Variants in CNTN4 observed in about 807,000 individuals in gnomAD.
CNTN4 encodes contactin 4, also known as contactin-4.
CNTN4 carries 77 observed loss-of-function variants against 122.5 expected under a neutral mutation model. The observed-to-expected ratio is 0.63, with a 90% CI of 0.52 to 0.76. The LOEUF (loss-of-function observed/expected upper bound fraction) is 0.76, where lower values mean the gene tolerates loss of function less well. CNTN4 is among the 30% of genes least tolerant of loss of function. CNTN4 has a pLI of 0.00. For missense variants in CNTN4, 1,256 were observed against 1,259.1 expected, an observed-to-expected ratio of 1.00 and a Z score of 0.04; for synonymous variants, 512 against 447.0, an observed-to-expected ratio of 1.15 and a Z score of -1.83.
chr3:2,643,131 C>T (rs1480221491), intron 4 of CNTN4, among the ~76,000 whole-genome samples: 2 of 152,148 alleles, frequency 1.3e-5, no homozygotes, highest in Non-Finnish European at 2.9e-5. Flanking sequence ...TTAATCTCTT[C>T]TCAAGTGATC....
At chr3:2,786,345 T>A (rs2091829338) in intron 6 of CNTN4, among the ~76,000 whole-genome samples, 1 of 152,160 alleles carries the variant, frequency 6.6e-6, no homozygotes, top group Non-Finnish European at 1.5e-5. Flanking sequence ...CTTCCGGGGC[T>A]CCGGGGCCAC....
chr3:2,117,464 G>A (rs1042507174), intron 2 of CNTN4, among the ~76,000 whole-genome samples: 1 of 152,278 alleles, frequency 6.6e-6, no homozygotes, highest in Middle Eastern at 3.4e-3. Flanking sequence ...AGGTAGGCAT[G>A]ATTGATCAAA....
chr3:2,963,399 C>G (rs968034685), intron 13 of CNTN4, among the ~76,000 whole-genome samples: 1 of 152,104 alleles, frequency 6.6e-6, no homozygotes, highest in African/African-American at 2.4e-5. Context: ...TCAAGATGGT[C>G]TAGAAAGAAA....
At chr3:2,723,831 G>C (rs927769892) in intron 4 of CNTN4, among the ~76,000 whole-genome samples, 1 of 152,182 alleles carries the variant, frequency 6.6e-6, no homozygotes, top group Non-Finnish European at 1.5e-5. Flanking sequence ...CATAATGCCA[G>C]TAAGTACTTG....
chr3:2,741,404 C>G (rs1297880777), intron 5 of CNTN4, among the ~76,000 whole-genome samples: 1 of 152,158 alleles, frequency 6.6e-6, no homozygotes, highest in Non-Finnish European at 1.5e-5. Context: ...AAAAGAAGTG[C>G]ATTCCAGAAA....
At chr3:2,119,691 A>G (rs1157120434) in intron 2 of CNTN4, among the ~76,000 whole-genome samples, 1 of 152,178 alleles carries the variant, frequency 6.6e-6, no homozygotes, top group African/African-American at 2.4e-5. Context: ...TGGGAAAATA[A>G]TCTCTTTCTA....
At chr3:2,370,490 G>C (rs1477680807) in intron 3 of CNTN4, among the ~76,000 whole-genome samples, 1 of 152,074 alleles carries the variant, frequency 6.6e-6, no homozygotes, top group African/African-American at 2.4e-5. Flanking sequence ...AGGAGGGAGA[G>C]GTGACAGAGT....
intron 3 of CNTN4, among the ~76,000 whole-genome samples, chr3:2,547,023 A>T (rs1331966662): frequency 1.3e-5 from 2 of 152,060 alleles, no homozygotes; most frequent in African/African-American, 4.8e-5. Context: ...TCTAAGACAA[A>T]TTTAAGACAT....
At chr3:2,209,863 C>T (rs1375320278) in intron 2 of CNTN4, among the ~76,000 whole-genome samples, 1 of 151,866 alleles carries the variant, frequency 6.6e-6, no homozygotes. Context: ...CAAACTGGGT[C>T]CGTATTGACT....
intron 4 of CNTN4, among the ~76,000 whole-genome samples, chr3:2,691,415 G>A (rs1409586874): frequency 6.6e-6 from 1 of 152,078 alleles, no homozygotes; most frequent in East Asian, 1.9e-4. Context: ...GAGGAGGGTA[G>A]AGGGAAAGAA....
At chr3:2,105,134 G>T (rs975330861) in intron 2 of CNTN4, among the ~76,000 whole-genome samples, 1 of 152,266 alleles carries the variant, frequency 6.6e-6, no homozygotes, top group South Asian at 2.1e-4. Context: ...GTATGCCTTT[G>T]AACTAATTCC....
At chr3:2,256,220 A>T (rs530254434) in intron 2 of CNTN4, among the ~76,000 whole-genome samples, 1 of 152,250 alleles carries the variant, frequency 6.6e-6, no homozygotes, top group Admixed American at 6.5e-5. Flanking sequence ...GGACACATAC[A>T]CCCTCCCAAG....
chr3:2,448,181 G>A (rs922102804), intron 3 of CNTN4, among the ~76,000 whole-genome samples: 1 of 152,184 alleles, frequency 6.6e-6, no homozygotes, highest in African/African-American at 2.4e-5. Flanking sequence ...AGCAGGCAGC[G>A]AAGCCTGGTG....
chr3:2,120,376 TATATATATATATATATATATATATATATA>T (rs1380802544), intron 2 of CNTN4, among the ~76,000 whole-genome samples: 2 of 39,524 alleles, frequency 5.1e-5, no homozygotes, highest in Non-Finnish European at 1.1e-4. Context: ...TATATATAAA[TATATATATATATATATATATATATATATA>T]TTTTTTTTTT....
chr3:2,340,559 T>C (rs2044143277), intron 3 of CNTN4, among the ~76,000 whole-genome samples: 1 of 151,180 alleles, frequency 6.6e-6, no homozygotes, highest in African/African-American at 2.4e-5. Flanking sequence ...TGCATGCCTG[T>C]AGTCCCACTA....
At chr3:2,780,204 T>A (rs1576762719) in intron 6 of CNTN4, among the ~76,000 whole-genome samples, 1 of 152,238 alleles carries the variant, frequency 6.6e-6, no homozygotes, top group African/African-American at 2.4e-5. Flanking sequence ...AACAGAATGA[T>A]ATAAAGTATT....
intron 13 of CNTN4, among the ~76,000 whole-genome samples, chr3:2,973,989 A>G (rs74324841): frequency 2.0e-5 from 3 of 152,150 alleles, no homozygotes; most frequent in Non-Finnish European, 4.4e-5. Flanking sequence ...GATGGTACAC[A>G]GTATACAGAC....
chr3:2,110,340 C>T (rs886541177), intron 2 of CNTN4: 2 of 152,234 alleles, frequency 1.3e-5, no homozygotes, highest in Non-Finnish European at 2.9e-5. Context: ...GGACAGTGTG[C>T]ATGGCACATT....
chr3:2,695,665 A>G (rs936287891), intron 4 of CNTN4, among the ~76,000 whole-genome samples: 4 of 152,174 alleles, frequency 2.6e-5, no homozygotes, highest in African/African-American at 7.2e-5. Flanking sequence ...TGTTGTCCTA[A>G]AGTATATACA....
Sources: allele counts gnomAD v4.1 joint callset (sites outside exome capture counted in the v4.1 genomes callset), GRCh38; gene constraint gnomAD v4.1.1; transcripts MANE v1.5; gene names NCBI Gene and HGNC (gene_info 2026-07-23, HGNC 2026-07-21).